Variants in PTPRG observed in about 807,000 individuals in gnomAD.
PTPRG encodes protein tyrosine phosphatase receptor type G.
Under a neutral mutation model 165.3 loss-of-function variants are expected in PTPRG, and 102 were observed. That is an observed-to-expected ratio of 0.62 (90% CI 0.53 to 0.73). The LOEUF (loss-of-function observed/expected upper bound fraction) is 0.73. PTPRG is among the 30% of genes least tolerant of loss of function. The pLI, the probability that PTPRG is intolerant of heterozygous loss-of-function variation, is 0.00. For missense variants in PTPRG, 1,866 were observed against 1,861.4 expected (o/e 1.00, Z -0.05); for synonymous variants, 675 against 669.5 (o/e 1.01, Z -0.13).
rs146755797 is a variant in PTPRG at position 62,187,188 on chromosome 3, A to G, written c.1034-4281A>G. On this transcript the variant is annotated intron_variant, in intron 8 of 29. Transcript: ENST00000474889. ...ATAATTACAGATCGTCAATGAAGTC[A>G]ATAATACAACTCCACGTACTAGTAA... 7.2e-4 allele frequency among the ~76,000 whole-genome samples: 109 copies of G among 151,968 alleles called. 1 individual carries two copies. In the East Asian group the frequency reaches 0.02, roughly 28 times the overall value.
In PTPRG at chr3:61,993,191, G is replaced by GT. The variant is rs964818712; in HGVS notation, c.370+3395dup. Among the ~76,000 whole-genome samples the GT allele has an allele frequency of 1.6e-3, 242 of 150,322 alleles. 2 individuals carry two copies. Among genetic ancestry groups the GT allele is most frequent in the African/African-American group, 5.7e-3 (233 of 40,944 alleles). ...AGAAACCACCTGTCACTGTACTATA[G>GT]TTTTTTTTGTTGTTGTTTGTTTGGT... On this transcript the variant is annotated intron_variant, in intron 3 of 29. Coordinates refer to ENST00000474889, the MANE Select transcript of PTPRG (RefSeq NM_002841.4).
rs201337410 is a variant in PTPRG at position 61,871,188 on chromosome 3, A to G, written c.191-118437A>G. Among the ~76,000 whole-genome samples the G allele has an allele frequency of 3.1e-3, 439 of 143,010 alleles. 2 individuals are homozygous for G. Among genetic ancestry groups the G allele is most frequent in the African/African-American group, 9.1e-3 (343 of 37,648 alleles). 93.8% of individuals were successfully genotyped at this position (143,010 alleles called of 152,430 possible). A position where few individuals can be genotyped will look rare whatever the true frequency, so the allele number is the denominator to read the frequency against. Reference sequence around the variant, plus strand: ...GTGTTATGTTATGTTATGTTATGTTATGTTATGTTATGTTATGTTATGTTA... The same window carrying G: ...GTGTTATGTTATGTTATGTTATGTTGTGTTATGTTATGTTATGTTATGTTA... On this transcript the variant is annotated intron_variant, in intron 2 of 29. Coordinates refer to ENST00000474889, the MANE Select transcript of PTPRG (RefSeq NM_002841.4).
intron 29 of PTPRG, 43 bp downstream of exon 29, chr3:62,292,599 G>T: frequency 6.3e-7 from 1 of 1,595,694 alleles, no homozygotes; most frequent in Non-Finnish European, 8.5e-7. Flanking sequence ...TACATCAGTT[G>T]AAACTCAGAC....
chr3:62,287,879 A>C (rs943333812), intron 28 of PTPRG, among the ~76,000 whole-genome samples: 1 of 152,118 alleles, frequency 6.6e-6, no homozygotes, highest in African/African-American at 2.4e-5. Context: ...TGGAATTTCA[A>C]TACATTCCCC....
chr3:62,045,620 T>A (rs553416185), intron 4 of PTPRG, among the ~76,000 whole-genome samples: 4 of 152,208 alleles, frequency 2.6e-5, no homozygotes, highest in Non-Finnish European at 5.9e-5. Context: ...ACCTGTCAAA[T>A]GTCCTTAGTA....
intron 2 of PTPRG, among the ~76,000 whole-genome samples, chr3:61,891,920 G>A (rs879839668): frequency 3.3e-5 from 5 of 149,762 alleles, no homozygotes; most frequent in Non-Finnish European, 7.4e-5. Flanking sequence ...TTTTTTTTCA[G>A]TAAATTAATA....
chr3:61,955,367 C>G (rs1347742878), intron 2 of PTPRG, among the ~76,000 whole-genome samples: 1 of 152,030 alleles, frequency 6.6e-6, no homozygotes, highest in African/African-American at 2.4e-5. Flanking sequence ...AGATAAAAAC[C>G]ATTAGCTAAT....
intron 2 of PTPRG, among the ~76,000 whole-genome samples, chr3:61,887,048 C>T (rs187366917): frequency 2.3e-3 from 321 of 139,444 alleles, no homozygotes; most frequent in South Asian, 6.3e-3. Context: ...TAAGAGGAAA[C>T]ATCTCTTATT....
rs540746742 is a variant in PTPRG, at chr3:62,195,731, A to G, written c.1327+561A>G. Among the ~76,000 whole-genome samples the G allele has an allele frequency of 1.3e-5, 2 of 152,248 alleles. No individual in the cohort carries two copies. The highest frequency in any genetic ancestry group is 4.8e-5 in the African/African-American group (2 of 41,550). On this transcript the variant is annotated intron_variant, in intron 10 of 29. Coordinates refer to ENST00000474889, the MANE Select transcript of PTPRG (RefSeq NM_002841.4). This position sits in a 1 kb window ranked among gnomAD's most constrained non-coding sequence, Gnocchi z 4.4. ...AAATGGGACATTTGCCTTTGCTCAAAATTTTAAGGGGCACCAAAAAATTGA... is the reference window on the plus strand; with the variant it reads ...AAATGGGACATTTGCCTTTGCTCAAGATTTTAAGGGGCACCAAAAAATTGA...
chr3:62,225,566 C>G (rs565640085), intron 13 of PTPRG, among the ~76,000 whole-genome samples: 1 of 147,672 alleles, frequency 6.8e-6, no homozygotes, highest in Non-Finnish European at 1.5e-5. Flanking sequence ...GAAGGTAGTT[C>G]TTATTGCTCT....
chr3:61,623,245 T>C (rs1292348808), intron 1 of PTPRG, among the ~76,000 whole-genome samples: 1 of 152,180 alleles, frequency 6.6e-6, no homozygotes, highest in Non-Finnish European at 1.5e-5. Flanking sequence ...GGTGGTGGAA[T>C]ACATTGGCCC....
At chr3:61,643,262 A>G (rs1036666675) in intron 1 of PTPRG, among the ~76,000 whole-genome samples, 1 of 150,316 alleles carries the variant, frequency 6.7e-6, no homozygotes, top group Non-Finnish European at 1.5e-5. Flanking sequence ...CCATCTGGGG[A>G]GAGAGAGAGA....
intron 13 of PTPRG, among the ~76,000 whole-genome samples, chr3:62,223,896 T>C (rs1010419905): frequency 5.3e-5 from 8 of 152,134 alleles, no homozygotes; most frequent in African/African-American, 1.9e-4. Flanking sequence ...TGCTTGAAAA[T>C]AACTTTTGGA....
At chr3:61,783,294 T>C (rs988111437) in intron 2 of PTPRG, among the ~76,000 whole-genome samples, 3 of 152,230 alleles carry the variant, frequency 2.0e-5, no homozygotes, top group African/African-American at 7.2e-5. Flanking sequence ...GAGCTGTGTT[T>C]GCACCACTGC....
At chr3:61,677,226 C>A (rs1306497517) in intron 1 of PTPRG, among the ~76,000 whole-genome samples, 2 of 135,894 alleles carry the variant, frequency 1.5e-5, no homozygotes, top group Non-Finnish European at 3.0e-5. Context: ...GCGTGGGTGA[C>A]AGAGCGAGAC....
At chr3:62,083,667 C>T (rs760226316) in intron 5 of PTPRG, among the ~76,000 whole-genome samples, 2 of 152,226 alleles carry the variant, frequency 1.3e-5, no homozygotes, top group Non-Finnish European at 2.9e-5. Context: ...CCAATACTTA[C>T]AATGACCTTA....
At chr3:61,628,352 T>C (rs1201263055) in intron 1 of PTPRG, among the ~76,000 whole-genome samples, 1 of 152,186 alleles carries the variant, frequency 6.6e-6, no homozygotes, top group Non-Finnish European at 1.5e-5. Flanking sequence ...AGTCTCACTC[T>C]GTTGCCCAGG....
chr3:62,187,789 A>G (rs1023591484), intron 8 of PTPRG, among the ~76,000 whole-genome samples: 6 of 152,188 alleles, frequency 3.9e-5, no homozygotes, highest in Non-Finnish European at 7.3e-5. Context: ...ATCTCTCATC[A>G]GACTGCTCTT....
chr3:62,152,412 A>G (rs758107649), intron 6 of PTPRG, among the ~76,000 whole-genome samples: 2 of 152,174 alleles, frequency 1.3e-5, no homozygotes, highest in Non-Finnish European at 1.5e-5. Context: ...TTTCAGCTGA[A>G]AAGTGCTTTA....
Sources: gnomAD v4.1 joint callset for allele counts (sites outside exome capture counted in the v4.1 genomes callset) on GRCh38, gnomAD v4.1.1 for gene constraint, Gnocchi (gnomAD v3.1) non-coding constraint, MANE v1.5 for transcripts, NCBI Gene and HGNC (gene_info 2026-07-23, HGNC 2026-07-21) for gene names.